HEATR5B: variants seen among roughly 807,000 people sequenced by gnomAD.
The protein encoded by HEATR5B is HEAT repeat-containing protein 5B.
In HEATR5B, 156 loss-of-function variants were observed where a neutral mutation model predicts 224.1. The observed-to-expected ratio is 0.70, with a 90% CI of 0.61 to 0.80. HEATR5B has a LOEUF of 0.80. HEATR5B is among the 30% of genes least tolerant of loss of function. HEATR5B has a pLI of 0.00. For missense variants in HEATR5B, 2,323 were observed against 2,535.5 expected (o/e 0.92, Z 1.80); for synonymous variants, 1,027 against 893.0 (o/e 1.15, Z -2.68).
At chr2:37,003,943 C>T (rs1397978248) in intron 30 of HEATR5B, among the ~76,000 whole-genome samples, 1 of 152,110 alleles carries the variant, frequency 6.6e-6, no homozygotes, top group Non-Finnish European at 1.5e-5. Context: ...GATCATTCTC[C>T]TATTGGAAGG....
intron 33 of HEATR5B, among the ~76,000 whole-genome samples, chr2:36,994,964 A>T (rs1042513190): frequency 4.0e-5 from 6 of 150,794 alleles, no homozygotes; most frequent in Non-Finnish European, 8.9e-5. Context: ...GTTAGCTAGG[A>T]TGGTCTCGAT....
At chr2:37,055,681 C>T (rs996892268) in intron 16 of HEATR5B, among the ~76,000 whole-genome samples, 1 of 152,164 alleles carries the variant, frequency 6.6e-6, no homozygotes, top group African/African-American at 2.4e-5. Flanking sequence ...CCAGGCTGGT[C>T]TGAAACTCCT....
intron 35 of HEATR5B, among the ~76,000 whole-genome samples, chr2:36,985,876 T>C (rs1461466092): frequency 6.6e-6 from 1 of 152,048 alleles, no homozygotes; most frequent in Non-Finnish European, 1.5e-5. Context: ...AAAGGGTCAT[T>C]TATTTCAAAG....
At chr2:37,011,805 A>G (rs1667805836) in intron 27 of HEATR5B, among the ~76,000 whole-genome samples, 1 of 152,192 alleles carries the variant, frequency 6.6e-6, no homozygotes, top group African/African-American at 2.4e-5. Flanking sequence ...ATTTCTTCAC[A>G]TTATAAATAG....
intron 10 of HEATR5B, among the ~76,000 whole-genome samples, chr2:37,063,097 G>C (rs1671381930): frequency 6.6e-6 from 1 of 152,200 alleles, no homozygotes; most frequent in Non-Finnish European, 1.5e-5. Context: ...ACCACGCCCA[G>C]GCAAGGTTAG....
chr2:36,989,713 G>C lies in HEATR5B; in HGVS notation c.5698-854C>G, dbSNP rs1666191901. 1.3e-5 allele frequency among the ~76,000 whole-genome samples: 2 copies of C among 151,466 alleles called. 1 individual carries two copies. Among genetic ancestry groups the C allele is most frequent in the South Asian group, 4.1e-4 (2 of 4,832 alleles). On this transcript the variant is annotated intron_variant, in intron 34 of 35. Transcript: ENST00000233099. ...AGGAAGGAAAGAAGGAAGAGAGGGA[G>C]GGAAGTCCCACCAATATATGGGACA...
chr2:37,025,759 G>A (rs1352513013), intron 24 of HEATR5B, among the ~76,000 whole-genome samples: 1 of 152,154 alleles, frequency 6.6e-6, no homozygotes. Flanking sequence ...TCCAAAGAAA[G>A]AAAGGTCAAC....
chr2:37,049,616 C>G (rs1443803001), intron 18 of HEATR5B, 37 bp downstream of exon 18: 2 of 1,529,878 alleles, frequency 1.3e-6, no homozygotes, highest in African/African-American at 1.4e-5. Flanking sequence ...ACATCTTTGC[C>G]TACACATGAA....
At chr2:37,029,939 AT>A (rs1558753719) in intron 22 of HEATR5B, among the ~76,000 whole-genome samples, 2 of 103,256 alleles carry the variant, frequency 1.9e-5, no homozygotes, top group East Asian at 1.5e-3. Flanking sequence ...ATCTCAAAAA[AT>A]AAATAAATAA....
chr2:37,084,157 G>A, intron 1 of HEATR5B, 112 bp downstream of exon 1: 1 of 216,034 alleles, frequency 4.6e-6, no homozygotes, highest in Non-Finnish European at 9.1e-6. Flanking sequence ...TAAGCACGGA[G>A]CCAGAAAAGG....
In HEATR5B at chr2:37,057,597, T is replaced by C. The variant is rs958713565; in HGVS notation, c.2060-117A>G. The C allele has an allele frequency of 6.5e-6, 4 of 613,058 alleles. No individual in the cohort carries two copies. The Admixed American group carries it at 1.5e-4, about 23-fold the overall frequency. The allele number at this position is 613,058 out of a possible 1,614,324, so 38.0% of individuals were successfully genotyped here. A position where few individuals can be genotyped will look rare whatever the true frequency, so the allele number is the denominator to read the frequency against. On this transcript the variant is annotated intron_variant, in intron 14 of 35. Coordinates refer to ENST00000233099, the MANE Select transcript of HEATR5B (RefSeq NM_019024.3). The stretch of plus-strand genomic sequence containing the variant: ...GAATAAAATAATTAAGTCTCTGTTC[T>C]CTTCTTTAAAAAAAATCTATATTTA...
rs143566899 is a variant in HEATR5B at position 37,065,892 on chromosome 2, G to A, written c.1196C>T (p.Thr399Ile). The A allele has an allele frequency of 6.2e-7, 1 of 1,611,338 alleles. No homozygotes were observed. Residue 399 changes from threonine (T) to isoleucine (I), a missense_variant, in exon 9 of 36, where the codon ACA becomes ATA. Thr to Ile is a moderately conservative substitution (Grantham distance 89, BLOSUM62 -1). Around this residue, in one of 12 missense-constraint regions of HEATR5B, gnomAD observed 502 missense variants for 517.8 expected, o/e 0.97. Coordinates refer to ENST00000233099, the MANE Select transcript of HEATR5B (RefSeq NM_019024.3). Reference sequence around the variant, plus strand: ...TGCGCCAGATTTGTTTTCTCCACTTGTGTCATTCACTACTGCTTCTGGAAA... The same window carrying A: ...TGCGCCAGATTTGTTTTCTCCACTTATGTCATTCACTACTGCTTCTGGAAA... Reference protein sequence around the residue: ...MKAVEAVVNDTSGENKSGAAD... With the variant: ...MKAVEAVVNDISGENKSGAAD...
intron 27 of HEATR5B, among the ~76,000 whole-genome samples, chr2:37,013,383 A>G (rs375319134): frequency 6.6e-6 from 1 of 152,262 alleles, no homozygotes; most frequent in Non-Finnish European, 1.5e-5. Flanking sequence ...AGGTAAAACT[A>G]GCTATTAAAA....
At position 37,008,960 on chromosome 2, in the gene HEATR5B, T is replaced by C; in HGVS notation, c.4285-112A>G. 3 of 801,882 alleles carry C rather than the reference T, an allele frequency of 3.7e-6. No individual in the cohort carries two copies. In the South Asian group the frequency reaches 5.2e-5, roughly 14 times the overall value. The allele number at this position is 801,882 out of a possible 1,614,324, so 49.7% of individuals were successfully genotyped here. A position where few individuals can be genotyped will look rare whatever the true frequency, so the allele number is the denominator to read the frequency against. On this transcript the variant is annotated intron_variant, in intron 27 of 35. Coordinates refer to ENST00000233099, the MANE Select transcript of HEATR5B (RefSeq NM_019024.3). ...CATCAAAGATAACTGGGTATAGATA[T>C]TAGAAAGTATACACTTTGGCTGGGT...
At chr2:37,053,478 A>G in intron 17 of HEATR5B, 24 bp downstream of exon 17, 1 of 1,315,688 alleles carries the variant, frequency 7.6e-7, no homozygotes, top group Non-Finnish European at 1.1e-6. Flanking sequence ...TTATTTCAGA[A>G]TAGTATGTAT....
At position 37,079,228 on chromosome 2, in the gene HEATR5B, G is replaced by A. The variant is rs563310115; in HGVS notation, c.230C>T (p.Ala77Val). 2 of 1,605,590 alleles carry A rather than the reference G, an allele frequency of 1.2e-6. No homozygotes were observed. Among genetic ancestry groups the A allele is most frequent in the Admixed American group, 1.7e-5 (1 of 59,996 alleles). ...PTRKLLAKNL[A>V]ALYSIGDTFT... ...AGTATCCCCAATGCTATAAAGGGCT[G>A]CGAGATTTTTAGCTAATAATTTTCG... is the stretch of plus-strand genomic sequence containing the variant. Residue 77 changes from alanine to valine, a missense_variant, in exon 3 of 36, where the codon GCA becomes GTA. This residue lies in a region of HEATR5B where 292 missense variants were observed against 332.6 expected (regional missense o/e 0.88). Coordinates refer to ENST00000233099, the MANE Select transcript of HEATR5B (RefSeq NM_019024.3).
chr2:37,077,713 A>G (rs988841189), intron 3 of HEATR5B, among the ~76,000 whole-genome samples: 5 of 152,242 alleles, frequency 3.3e-5, no homozygotes, highest in Admixed American at 6.5e-5. Context: ...GATTTTGACA[A>G]AATTATATCA....
At chr2:36,984,235 T>C (rs762734674) in intron 35 of HEATR5B, among the ~76,000 whole-genome samples, 2 of 115,748 alleles carry the variant, frequency 1.7e-5, no homozygotes, top group South Asian at 3.2e-4. Flanking sequence ...TATATATATA[T>C]ATAAAACTGG....
intron 30 of HEATR5B, 139 bp from the exon 31 acceptor site, chr2:37,003,825 A>G: frequency 2.0e-6 from 1 of 498,084 alleles, no homozygotes; most frequent in Non-Finnish European, 3.4e-6. Flanking sequence ...CGTAACAAAT[A>G]AGAACATTGT....
Sources: allele counts gnomAD v4.1 joint callset (sites outside exome capture counted in the v4.1 genomes callset), GRCh38; gene constraint gnomAD v4.1.1; regional missense constraint gnomAD v4.1.1; transcripts MANE v1.5; gene names NCBI Gene and HGNC (gene_info 2026-07-23, HGNC 2026-07-21).